The following IL1RAPL1 variants were observed in gnomAD, a reference collection of about 807,000 sequenced individuals.
IL1RAPL1 encodes interleukin 1 receptor accessory protein like 1.
Under a neutral mutation model 48.4 loss-of-function variants are expected in IL1RAPL1, and 3 were observed. The observed-to-expected ratio is 0.06, with a 90% CI of 0.03 to 0.16. The LOEUF (loss-of-function observed/expected upper bound fraction) is 0.16, where lower values mean the gene tolerates loss of function less well. Ranked by LOEUF, IL1RAPL1 falls within the 10% of genes least tolerant of loss-of-function variation. The pLI is 1.00. For missense variants in IL1RAPL1, 349 were observed against 530.6 expected (o/e 0.66, Z 3.36); for synonymous variants, 185 against 187.7 (o/e 0.99, Z 0.12).
intron 3 of IL1RAPL1, among the ~76,000 whole-genome samples, chrX:29,375,282 C>T (rs1178972422): frequency 9.5e-6 from 1 of 104,995 alleles, no homozygotes; most frequent in Non-Finnish European, 2.0e-5. Flanking sequence ...GTGCCTTAGC[C>T]TCCTGAGTAG....
intron 5 of IL1RAPL1, among the ~76,000 whole-genome samples, chrX:29,628,504 A>G (rs148337322): frequency 1.8e-5 from 2 of 111,848 alleles, no homozygotes; most frequent in East Asian, 5.6e-4. Flanking sequence ...AATGTTAGGT[A>G]TGTGAGGTTA....
chrX:29,394,740 C>T (rs1933900578), intron 3 of IL1RAPL1, among the ~76,000 whole-genome samples: 2 of 111,742 alleles, frequency 1.8e-5, no homozygotes, highest in Non-Finnish European at 3.8e-5. Flanking sequence ...CCTGAACACA[C>T]ACGCTCAGGA....
chrX:29,674,105 C>T (rs1365214680), intron 6 of IL1RAPL1, among the ~76,000 whole-genome samples: 1 of 111,414 alleles, frequency 9.0e-6, no homozygotes, highest in Non-Finnish European at 1.9e-5. Flanking sequence ...CTGCTATCTA[C>T]GTAGAAGTTG....
rs1932068819 is a variant in IL1RAPL1, at chrX:29,273,181, A to G, written c.83-9757A>G. Among the ~76,000 whole-genome samples, 6 of 112,148 alleles carry G rather than the reference A, an allele frequency of 5.4e-5. 1 individual carries two copies. In the South Asian group the frequency reaches 2.2e-3, roughly 41 times the overall value. ...TAAAAACCATTGCTGGGGAACTAGC[A>G]CAGTTGTTTGGAGGTAAGAAAACAG... On this transcript the variant is annotated intron_variant, in intron 2 of 10. Transcript: ENST00000378993.
chrX:29,904,855 T>C (rs1427455551), intron 6 of IL1RAPL1, among the ~76,000 whole-genome samples: 2 of 112,154 alleles, frequency 1.8e-5, no homozygotes, highest in Non-Finnish European at 3.8e-5. Flanking sequence ...ATCTTTATAG[T>C]AGAATGATTT....
chrX:29,385,161 G>T (rs1201381212), intron 3 of IL1RAPL1, among the ~76,000 whole-genome samples: 1 of 112,022 alleles, frequency 8.9e-6, no homozygotes, highest in Non-Finnish European at 1.9e-5. Context: ...ATCCAAAATA[G>T]AAATTATTTA....
chrX:29,038,043 C>T (rs1309769945), intron 2 of IL1RAPL1, among the ~76,000 whole-genome samples: 3 of 110,566 alleles, frequency 2.7e-5, no homozygotes, highest in Non-Finnish European at 5.7e-5. Context: ...TCTGCTCACA[C>T]TCAACAAGAT....
chrX:29,067,634 A>C (rs928434914), intron 2 of IL1RAPL1, among the ~76,000 whole-genome samples: 4 of 112,027 alleles, frequency 3.6e-5, no homozygotes, highest in Admixed American at 9.5e-5. Flanking sequence ...AGAGCATTGC[A>C]TAATGTTAGA....
chrX:29,138,709 G>T (rs1206746923), intron 2 of IL1RAPL1, among the ~76,000 whole-genome samples: 1 of 106,071 alleles, frequency 9.4e-6, no homozygotes, highest in Admixed American at 1.0e-4. Context: ...CCCGGGAGGC[G>T]GAGCTTGCAG....
At chrX:29,216,363 T>A (rs1261180133) in intron 2 of IL1RAPL1, among the ~76,000 whole-genome samples, 1 of 110,174 alleles carries the variant, frequency 9.1e-6, no homozygotes, top group Non-Finnish European at 1.9e-5. Flanking sequence ...CTAATTTTTT[T>A]AATTTTTGTT....
At chrX:29,173,188 T>C (rs1929942308) in intron 2 of IL1RAPL1, among the ~76,000 whole-genome samples, 5 of 111,378 alleles carry the variant, frequency 4.5e-5, no homozygotes, top group Admixed American at 2.9e-4. Flanking sequence ...TGCTAATGGA[T>C]TGTAGGTAGG....
At chrX:29,485,143 T>A (rs775272714) in intron 5 of IL1RAPL1, among the ~76,000 whole-genome samples, 75 of 112,413 alleles carry the variant, frequency 6.7e-4, no homozygotes, top group African/African-American at 2.3e-3. Flanking sequence ...TTCTACCTAA[T>A]ACTAGGTGTA....
At chrX:29,951,866 A>T (rs753982819) in intron 9 of IL1RAPL1, among the ~76,000 whole-genome samples, 1 of 111,054 alleles carries the variant, frequency 9.0e-6, no homozygotes, top group Non-Finnish European at 1.9e-5. Context: ...GAACAGGATC[A>T]TGCATCCAAA....
intron 1 of IL1RAPL1, among the ~76,000 whole-genome samples, chrX:28,627,415 G>T (rs774023906): frequency 2.4e-4 from 27 of 111,601 alleles, no homozygotes; most frequent in African/African-American, 7.8e-4. Flanking sequence ...AATTTAAATA[G>T]AAAGCTCTCA....
chrX:29,401,679 TA>T (rs11336384), intron 5 of IL1RAPL1, among the ~76,000 whole-genome samples: 9,382 of 98,572 alleles, frequency 0.095, 519 homozygotes, highest in African/African-American at 0.21. Context: ...AATGTCACTT[TA>T]AAAAAAAAAA....
At chrX:29,644,898 C>T (rs937610726) in intron 5 of IL1RAPL1, among the ~76,000 whole-genome samples, 1 of 112,746 alleles carries the variant, frequency 8.9e-6, no homozygotes, top group Non-Finnish European at 1.9e-5. Context: ...CTTGGTCATG[C>T]CTATTCAATC....
chrX:28,777,159 T>C (rs1419208203), intron 1 of IL1RAPL1, among the ~76,000 whole-genome samples: 1 of 111,458 alleles, frequency 9.0e-6, no homozygotes, highest in East Asian at 2.8e-4. Flanking sequence ...ATCTGTTGCT[T>C]GCATCTTCTA....
intron 8 of IL1RAPL1, among the ~76,000 whole-genome samples, chrX:29,931,375 A>T (rs1455356747): frequency 9.0e-6 from 1 of 111,585 alleles, no homozygotes; most frequent in Non-Finnish European, 1.9e-5. Flanking sequence ...ATGCTTTGTA[A>T]CTCTGGAATC....
intron 2 of IL1RAPL1, among the ~76,000 whole-genome samples, chrX:28,898,515 A>G (rs747172966): frequency 1.8e-5 from 2 of 110,887 alleles, no homozygotes; most frequent in South Asian, 3.8e-4. Flanking sequence ...AGGTTTTGCT[A>G]TGTTGCCCAG....
Sources: gnomAD v4.1 joint callset for allele counts (sites outside exome capture counted in the v4.1 genomes callset) on GRCh38, gnomAD v4.1.1 for gene constraint, MANE v1.5 for transcripts, NCBI Gene and HGNC (gene_info 2026-07-23, HGNC 2026-07-21) for gene names.